DIS3: variants seen among roughly 807,000 people sequenced by gnomAD.
DIS3 encodes DIS3 exosome endoribonuclease and 3'-5' exoribonuclease.
In DIS3, 103 loss-of-function variants were observed where a neutral mutation model predicts 113.0. The ratio of observed to expected loss-of-function variants is 0.91; its 90% CI spans 0.78 to 1.07. DIS3 has a LOEUF of 1.07. DIS3 is among the 50% of genes least tolerant of loss of function. DIS3 has a pLI of 0.00. For synonymous variants in DIS3, 402 were observed against 394.3 expected (o/e 1.02, Z -0.23); for missense variants, 1,121 against 1,167.1 (o/e 0.96, Z 0.58).
At chr13:72,762,546 C>T (rs780137395) in intron 16 of DIS3, among the ~76,000 whole-genome samples, 71 of 152,164 alleles carry the variant, frequency 4.7e-4, no homozygotes, top group Non-Finnish European at 5.4e-4. Context: ...GAAACCAATG[C>T]CATCATGATC....
intron 15 of DIS3, among the ~76,000 whole-genome samples, chr13:72,764,138 C>A (rs4885044): frequency 0.27 from 40,861 of 151,836 alleles, 6,689 homozygotes; most frequent in East Asian, 0.49. Context: ...GGTGACAGAG[C>A]AAGACTCTGT....
At chr13:72,779,703 T>C (rs112197394) in intron 2 of DIS3, among the ~76,000 whole-genome samples, 1 of 151,754 alleles carries the variant, frequency 6.6e-6, no homozygotes, top group Admixed American at 6.6e-5. Context: ...TGGTTCTCAA[T>C]TGAGTGAATT....
At chr13:72,779,264 C>A (rs1353098853) in intron 2 of DIS3, among the ~76,000 whole-genome samples, 1 of 151,868 alleles carries the variant, frequency 6.6e-6, no homozygotes, top group East Asian at 1.9e-4. Context: ...GGACTAGAGG[C>A]ATGTACCACC....
chr13:72,763,356 C>T, intron 16 of DIS3, 95 bp downstream of exon 16: 1 of 1,392,482 alleles, frequency 7.2e-7, no homozygotes, highest in East Asian at 2.5e-5. Context: ...TATTAACAAA[C>T]AATAAAACCT....
rs147292092 is a variant in DIS3 at position 72,761,734 on chromosome 13, T to G, written c.2423A>C (p.His808Pro). 4 of 1,613,832 alleles carry G rather than the reference T, an allele frequency of 2.5e-6. No homozygotes were observed. The African/African-American group carries it at 5.3e-5, about 22-fold the overall frequency. Residue 808 changes from histidine to proline, a missense_variant, in exon 18 of 21, where the codon CAC becomes CCC. Around this residue, in one of 3 missense-constraint regions of DIS3, gnomAD observed 861 missense variants for 915.5 expected, o/e 0.94. Coordinates refer to ENST00000377767, the MANE Select transcript of DIS3 (RefSeq NM_014953.5). Reference sequence around the variant, plus strand: ...ATTTTTACATATATCTGCAAGCTTGTGTTTGTCTGTCAACTCTGGATAAGT... The same window carrying G: ...ATTTTTACATATATCTGCAAGCTTGGGTTTGTCTGTCAACTCTGGATAAGT... The part of the protein sequence containing the change: ...DCTYPELTDK[H>P]KLADICKNLN...
At chr13:72,771,216 A>G in intron 11 of DIS3, 71 bp from the exon 12 acceptor site, 1 of 1,203,862 alleles carries the variant, frequency 8.3e-7, no homozygotes, top group Non-Finnish European at 1.2e-6. Flanking sequence ...TTCTATTCTC[A>G]AATAACATTA....
At chr13:72,777,514 T>A in intron 3 of DIS3, 21 bp from the exon 4 acceptor site, 1 of 1,608,786 alleles carries the variant, frequency 6.2e-7, no homozygotes, top group Non-Finnish European at 8.5e-7. Context: ...AAGTTTATGT[T>A]GTTTTTGATA....
In DIS3 at chr13:72,781,859, C is replaced by G. The variant is rs747439217; in HGVS notation, c.-27G>C. On this transcript the variant is annotated 5_prime_UTR_variant, in exon 1 of 21. Transcript: ENST00000377767. Reference sequence around the variant, plus strand: ...TTGCCTCGCCGCGCAGAATCCTAACCCCAGCAGCGCTCTTCCAGCAAAAGG... The same window carrying G: ...TTGCCTCGCCGCGCAGAATCCTAACGCCAGCAGCGCTCTTCCAGCAAAAGG... 2.6e-6 allele frequency: 4 copies of G among 1,516,390 alleles called. No homozygotes were observed. The highest frequency in any genetic ancestry group is 1.2e-5 in the South Asian group (1 of 81,102). 93.9% of individuals were successfully genotyped at this position (1,516,390 alleles called of 1,614,324 possible).
rs780914116 is a variant in DIS3 at position 72,768,765 on chromosome 13, C to T, written c.1883+20G>A. 2.6e-6 allele frequency: 4 copies of T among 1,557,660 alleles called. No homozygotes were observed. In the Admixed American group the frequency reaches 7.2e-5, roughly 28 times the overall value. Reference sequence around the variant, plus strand: ...AAAGAGTATAAAAATTATCTTAATACTATGAAAAACAAAATATACCCTTTT... The same window carrying T: ...AAAGAGTATAAAAATTATCTTAATATTATGAAAAACAAAATATACCCTTTT... On this transcript the variant is annotated intron_variant, in intron 14 of 20. Transcript: ENST00000377767.
rs1358244607 is a variant in DIS3 at position 72,754,291 on chromosome 13, C to T, written c.*5504G>A. ...ACAGGCATGAGCCAACATGCCCAGCCTTGTATGCCGTTTCTTTTTTTTCTT... is the reference window on the plus strand; with the variant it reads ...ACAGGCATGAGCCAACATGCCCAGCTTTGTATGCCGTTTCTTTTTTTTCTT... On this transcript the variant is annotated 3_prime_UTR_variant, in exon 21 of 21. Coordinates refer to ENST00000377767, the MANE Select transcript of DIS3 (RefSeq NM_014953.5). The T allele has an allele frequency of 3.8e-5, 6 of 156,652 alleles. No homozygotes were observed. The highest frequency in any genetic ancestry group is 9.7e-5 in the African/African-American group (4 of 41,430). The allele number at this position is 156,652 out of a possible 1,614,324, so 9.7% of individuals were successfully genotyped here.
In DIS3 at chr13:72,759,755, A is replaced by T. The variant is rs559945435; in HGVS notation, c.*40T>A. 1.1e-5 allele frequency: 17 copies of T among 1,544,550 alleles called. No homozygotes were observed. The East Asian group carries it at 3.4e-4, about 31-fold the overall frequency. On this transcript the variant is annotated 3_prime_UTR_variant, in exon 21 of 21. Coordinates refer to ENST00000377767, the MANE Select transcript of DIS3 (RefSeq NM_014953.5). ...AGTGTTCTTTCAAGTTTTTTCTTTT[A>T]AAAAAGAAACCAGTCTTTGAAGATT...
chr13:72,771,944 A>ATG, intron 10 of DIS3, 48 bp from the exon 11 acceptor site: 1 of 1,564,200 alleles, frequency 6.4e-7, no homozygotes, highest in Non-Finnish European at 8.7e-7. Context: ...GACTGGGTAA[A>ATG]TGTACCTAAT....
Position 72,759,528 on chromosome 13 carries a change from G to A in DIS3, c.*267C>T. 3.0e-6 allele frequency: 1 copy of A among 328,674 alleles called. No individual in the cohort carries two copies. The highest frequency in any genetic ancestry group is 5.6e-6 in the Non-Finnish European group (1 of 179,354). The allele number at this position is 328,674 out of a possible 1,614,324, so 20.4% of individuals were successfully genotyped here. On this transcript the variant is annotated 3_prime_UTR_variant, in exon 21 of 21. Coordinates refer to ENST00000377767, the MANE Select transcript of DIS3 (RefSeq NM_014953.5). ...GCACTCCATTTAAATGATCTTTACA[G>A]ATCCCTGAAGTTGCTGTCCTGTCAC...
chr13:72,766,084 T>G (rs778105759), intron 14 of DIS3, 26 bp from the exon 15 acceptor site: 1 of 1,560,104 alleles, frequency 6.4e-7, no homozygotes, highest in African/African-American at 1.4e-5. Context: ...AGAGAAAAAT[T>G]ATAGTCAAGC....
At chr13:72,773,562 A>G in intron 8 of DIS3, 122 bp downstream of exon 8, 1 of 1,133,200 alleles carries the variant, frequency 8.8e-7, no homozygotes, top group Non-Finnish European at 1.2e-6. Context: ...TCACTTTGTG[A>G]AATATCTCTA....
rs551421211 is a variant in DIS3, at chr13:72,753,398, G to A, written c.*6397C>T. On this transcript the variant is annotated 3_prime_UTR_variant, in exon 21 of 21. Transcript: ENST00000377767. ...TGTAATACTCATTTTTGTCTACTAG[G>A]TACGATCACAAAATAACAGGAAAGC... is the stretch of plus-strand genomic sequence containing the variant. The A allele has an allele frequency of 7.4e-5, 17 of 228,698 alleles. No homozygotes were observed. The highest frequency in any genetic ancestry group is 3.2e-4 in the African/African-American group (14 of 43,856). The allele number at this position is 228,698 out of a possible 1,614,324, so 14.2% of individuals were successfully genotyped here. A position where few individuals can be genotyped will look rare whatever the true frequency, so the allele number is the denominator to read the frequency against.
chr13:72,767,974 C>T (rs1301491700), intron 14 of DIS3, among the ~76,000 whole-genome samples: 1 of 152,088 alleles, frequency 6.6e-6, no homozygotes, highest in Non-Finnish European at 1.5e-5. Context: ...TACTCTATAC[C>T]TTACGCCTTT....
In DIS3 at chr13:72,753,228, C is replaced by G. The variant is rs969387534; in HGVS notation, c.*6567G>C. The G allele has an allele frequency of 1.3e-5, 2 of 152,464 alleles. No individual in the cohort carries two copies. The highest frequency in any genetic ancestry group is 2.4e-5 in the African/African-American group (1 of 41,436). The allele number at this position is 152,464 out of a possible 1,614,324, so 9.4% of individuals were successfully genotyped here. On this transcript the variant is annotated 3_prime_UTR_variant, in exon 21 of 21. Transcript: ENST00000377767. ...CTACAATTTTTATTAACATGAAAAG[C>G]TGAACTAACATCTAGAGCCATTATA... is the stretch of plus-strand genomic sequence containing the variant.
rs1323137121 is a variant in DIS3 at position 72,757,899 on chromosome 13, C to T, written c.*1896G>A. 2 of 203,652 alleles carry T rather than the reference C, an allele frequency of 9.8e-6. No homozygotes were observed. Among genetic ancestry groups the T allele is most frequent in the East Asian group, 7.5e-5 (1 of 13,414 alleles). 12.6% of individuals were successfully genotyped at this position (203,652 alleles called of 1,614,324 possible). A position where few individuals can be genotyped will look rare whatever the true frequency, so the allele number is the denominator to read the frequency against. On this transcript the variant is annotated 3_prime_UTR_variant, in exon 21 of 21. Transcript: ENST00000377767. ...CTGAAAAATTCCTATTGCCTGGGGA[C>T]ACAGCCATGGTAACATCATAGTGAA...
Sources: allele counts gnomAD v4.1 joint callset (sites outside exome capture counted in the v4.1 genomes callset), GRCh38; gene constraint gnomAD v4.1.1; regional missense constraint gnomAD v4.1.1; transcripts MANE v1.5; gene names NCBI Gene and HGNC (gene_info 2026-07-23, HGNC 2026-07-21).